The following KYAT1 variants were observed in gnomAD, a reference collection of about 807,000 sequenced individuals.
KYAT1 encodes the protein kynurenine aminotransferase 1.
A neutral mutation model predicts 52.4 loss-of-function variants in KYAT1; 47 were observed. That is an observed-to-expected ratio of 0.90 (90% CI 0.71 to 1.14). The LOEUF is 1.14. Among genes scored for constraint, KYAT1 ranks in the 50% most tolerant of loss-of-function variants. The pLI is 0.00. For missense variants in KYAT1, 480 were observed against 557.9 expected (o/e 0.86, Z 1.41); for synonymous variants, 212 against 209.6 (o/e 1.01, Z -0.10).
At chr9:128,838,404 C>T (rs376716259) in intron 3 of KYAT1, 37 bp from the exon 4 acceptor site, 10 of 1,613,148 alleles carry the variant, frequency 6.2e-6, no homozygotes, top group Non-Finnish European at 8.5e-6. Context: ...CCAGCTCAGC[C>T]TGGGCCCATC....
chr9:128,853,121 A>C (rs1834156268), intron 1 of KYAT1, among the ~76,000 whole-genome samples: 1 of 152,228 alleles, frequency 6.6e-6, no homozygotes, highest in Non-Finnish European at 1.5e-5. Context: ...AATTGTGTGG[A>C]AGTGACCCAG....
At chr9:128,865,226 C>A (rs1292456902) in intron 1 of KYAT1, among the ~76,000 whole-genome samples, 1 of 137,110 alleles carries the variant, frequency 7.3e-6, no homozygotes, top group East Asian at 2.1e-4. Context: ...CCATGTCCCT[C>A]CCCACATCCC....
chr9:128,879,649 G>A (rs531936935), intron 1 of KYAT1, among the ~76,000 whole-genome samples: 1 of 152,248 alleles, frequency 6.6e-6, no homozygotes, highest in South Asian at 2.1e-4. Flanking sequence ...TCCAGGGTAG[G>A]AGCCCATCTC....
intron 2 of KYAT1, 138 bp downstream of exon 2, chr9:128,845,215 C>G: frequency 1.5e-6 from 1 of 662,614 alleles, no homozygotes; most frequent in East Asian, 2.8e-5. Context: ...CGGGCCCTGT[C>G]TCTCCTGAGC....
chr9:128,847,003 C>T (rs1425364210), intron 1 of KYAT1: 1 of 744,172 alleles, frequency 1.3e-6, no homozygotes, highest in Non-Finnish European at 2.1e-6. Context: ...GGTACCTGCC[C>T]AGGGTCAGAA....
chr9:128,876,565 C>T (rs1442182688), intron 1 of KYAT1, among the ~76,000 whole-genome samples: 1 of 147,768 alleles, frequency 6.8e-6, no homozygotes. Context: ...CTACAGGCGC[C>T]CGCCACCACG....
chr9:128,850,593 TC>T (rs1302971231), intron 1 of KYAT1, among the ~76,000 whole-genome samples: 1 of 152,176 alleles, frequency 6.6e-6, no homozygotes, highest in African/African-American at 2.4e-5. Context: ...CCGAGGTTTC[TC>T]CCCATGTGAT....
chr9:128,843,655 TACA>T lies in KYAT1; in HGVS notation c.54-857_54-855del, dbSNP rs1267720516. On this transcript the variant is annotated intron_variant, in intron 2 of 12. Coordinates refer to ENST00000302586, the MANE Select transcript of KYAT1 (RefSeq NM_004059.5). ...CCTTGGCCTCTCAAAGTGCTAGCAG[TACA>T]GGCGTGAGCCACCACTACCGGCCAA... Among the ~76,000 whole-genome samples the T allele has an allele frequency of 2.6e-5, 4 of 152,260 alleles. No individual in the cohort carries two copies. In the East Asian group the frequency reaches 7.7e-4, roughly 29 times the overall value.
At chr9:128,871,153 C>CA (rs1303922709) in intron 1 of KYAT1, among the ~76,000 whole-genome samples, 1 of 151,656 alleles carries the variant, frequency 6.6e-6, no homozygotes, top group Non-Finnish European at 1.5e-5. Flanking sequence ...CCCATCTCTA[C>CA]AAAAAATGCA....
intron 1 of KYAT1, among the ~76,000 whole-genome samples, chr9:128,849,152 C>A (rs1474261922): frequency 6.6e-6 from 1 of 151,878 alleles, no homozygotes; most frequent in African/African-American, 2.4e-5. Context: ...TGGCTCATGC[C>A]TGTAATTCCA....
At chr9:128,834,831 CAA>C (rs35785668) in intron 11 of KYAT1, among the ~76,000 whole-genome samples, 4 of 25,862 alleles carry the variant, frequency 1.5e-4, no homozygotes, top group South Asian at 3.8e-3. Flanking sequence ...GACTCTGTCT[CAA>C]AAAAAAAAAA....
At position 128,871,097 on chromosome 9, in the gene KYAT1, G is replaced by T. The variant is rs150657094; in HGVS notation, c.-7+10800C>A. On this transcript the variant is annotated intron_variant, in intron 1 of 12. Coordinates refer to ENST00000302586, the MANE Select transcript of KYAT1 (RefSeq NM_004059.5). ...TTCAGGAGGCAAAGGCGGGTAGATT[G>T]CTTGAGCTCAGGAGTTCGAGATCAG... 7.3e-3 allele frequency among the ~76,000 whole-genome samples: 1,110 copies of T among 152,200 alleles called. 8 individuals carry two copies. The highest frequency in any genetic ancestry group is 0.019 in the African/African-American group (786 of 41,522).
At chr9:128,841,287 G>A (rs1009445634) in intron 3 of KYAT1, among the ~76,000 whole-genome samples, 3 of 151,582 alleles carry the variant, frequency 2.0e-5, no homozygotes, top group Non-Finnish European at 2.9e-5. Flanking sequence ...GGCGAATCAC[G>A]AGGTCGGGAG....
intron 1 of KYAT1, among the ~76,000 whole-genome samples, chr9:128,861,755 C>A (rs553255857): frequency 6.6e-6 from 1 of 152,188 alleles, no homozygotes; most frequent in African/African-American, 2.4e-5. Flanking sequence ...GGTAACTCAG[C>A]TAAACGGATG....
chr9:128,835,139 A>C, intron 11 of KYAT1, 184 bp downstream of exon 11: 2 of 177,608 alleles, frequency 1.1e-5, no homozygotes. Flanking sequence ...CATCTCAACC[A>C]AAAAAAAAAA....
intron 1 of KYAT1, chr9:128,846,800 C>G (rs1360540378): frequency 6.5e-7 from 1 of 1,535,588 alleles, no homozygotes; most frequent in Non-Finnish European, 8.7e-7. Flanking sequence ...GTGGGTTTGC[C>G]AGTCCCAGAT....
Position 128,841,730 on chromosome 9 carries a change from G to A in KYAT1, c.201+924C>T, listed in dbSNP as rs187249808. On this transcript the variant is annotated intron_variant, in intron 3 of 12. Coordinates refer to ENST00000302586, the MANE Select transcript of KYAT1 (RefSeq NM_004059.5). Reference sequence around the variant, plus strand: ...AAAAAAAAAGAATGAGGGTTCAGTGGCTCACGCCTGTAATCCCAGCACTTT... The same window carrying A: ...AAAAAAAAAGAATGAGGGTTCAGTGACTCACGCCTGTAATCCCAGCACTTT... Among the ~76,000 whole-genome samples the A allele has an allele frequency of 5.9e-4, 89 of 151,114 alleles. 3 individuals are homozygous for A. In the East Asian group the frequency reaches 0.015, roughly 26 times the overall value.
In KYAT1 at chr9:128,879,207, G is replaced by T. The variant is rs919459048; in HGVS notation, c.-7+2690C>A. ...TGCCTGTAGTCCCAGCTACTTGGGA[G>T]GCTGAGGCAGGAGAATGGAGTGAAC... On this transcript the variant is annotated intron_variant, in intron 1 of 12. Coordinates refer to ENST00000302586, the MANE Select transcript of KYAT1 (RefSeq NM_004059.5). Among the ~76,000 whole-genome samples, 23 of 152,292 alleles carry T rather than the reference G, an allele frequency of 1.5e-4. No individual in the cohort carries two copies. The South Asian group carries it at 4.8e-3, about 32-fold the overall frequency.
rs541626407 is a variant in KYAT1 at position 128,839,336 on chromosome 9, A to G, written c.202-969T>C. On this transcript the variant is annotated intron_variant, in intron 3 of 12. Transcript: ENST00000302586. ...AAATTACTTGTCTAAAGTCACACAC[A>G]GTTGACAGTCAGGAACCTCATGTTG... Among the ~76,000 whole-genome samples, 6 of 152,300 alleles carry G rather than the reference A, an allele frequency of 3.9e-5. No homozygotes were observed. The East Asian group carries it at 1.2e-3, about 29-fold the overall frequency.
Sources: allele counts gnomAD v4.1 joint callset (sites outside exome capture counted in the v4.1 genomes callset), GRCh38; gene constraint gnomAD v4.1.1; transcripts MANE v1.5; gene names NCBI Gene and HGNC (gene_info 2026-07-23, HGNC 2026-07-21).